The following CACNA1B variants were observed in gnomAD, a reference collection of about 807,000 sequenced individuals.
CACNA1B encodes voltage-dependent N-type calcium channel subunit alpha-1B.
CACNA1B carries 70 observed loss-of-function variants against 247.2 expected under a neutral mutation model. The observed-to-expected ratio is 0.28, with a 90% CI of 0.23 to 0.35. CACNA1B has a LOEUF of 0.35. CACNA1B is among the 10% of genes least tolerant of loss of function. The pLI is 1.00. For missense variants in CACNA1B, 2,367 were observed against 3,197.4 expected, an observed-to-expected ratio of 0.74 and a Z score of 6.26; for synonymous variants, 1,231 against 1,294.4, an observed-to-expected ratio of 0.95 and a Z score of 1.05.
intron 21 of CACNA1B, among the ~76,000 whole-genome samples, chr9:138,045,968 A>C (rs953095041): frequency 1.3e-5 from 2 of 152,140 alleles, no homozygotes; most frequent in Admixed American, 1.3e-4. Flanking sequence ...CAGGGGAGGC[A>C]TCTCCAGAGC....
intron 20 of CACNA1B, among the ~76,000 whole-genome samples, chr9:138,039,144 C>T (rs1207838828): frequency 6.6e-6 from 1 of 151,612 alleles, no homozygotes; most frequent in African/African-American, 2.4e-5. Context: ...TGTAGTGAGC[C>T]AAGATCTCGC....
intron 10 of CACNA1B, among the ~76,000 whole-genome samples, chr9:137,969,146 C>T (rs111463707): frequency 6.6e-6 from 1 of 152,222 alleles, no homozygotes; most frequent in African/African-American, 2.4e-5. Flanking sequence ...GCTGGGGTTG[C>T]TGAGCTGGGA....
rs1414575146 is a variant in CACNA1B, at chr9:138,058,044, C to T, written c.4107-5C>T. The T allele has an allele frequency of 1.2e-6, 2 of 1,612,288 alleles. No individual in the cohort carries two copies. The highest frequency in any genetic ancestry group is 1.7e-6 in the Non-Finnish European group (2 of 1,178,300). ...CCCCTGACACTTGCTCTCCTCTTTG[C>T]CCAGGGTGCTGAAACACTCCGTGGA... On this transcript the variant is annotated splice_region_variant and splice_polypyrimidine_tract_variant and intron_variant, in intron 27 of 46. Transcript: ENST00000371372. The surrounding 1 kb of genome is among the most constrained non-coding windows in gnomAD (Gnocchi z 4.7).
intron 18 of CACNA1B, among the ~76,000 whole-genome samples, chr9:138,013,760 G>C (rs1256030333): frequency 3.3e-5 from 5 of 152,246 alleles, no homozygotes; most frequent in African/African-American, 1.2e-4. Flanking sequence ...GGAGGTGTTA[G>C]GGGCTTTAGA....
chr9:138,090,590 A>G (rs1390863485), intron 36 of CACNA1B, among the ~76,000 whole-genome samples: 1 of 151,782 alleles, frequency 6.6e-6, no homozygotes, highest in Non-Finnish European at 1.5e-5. Context: ...TGCACAGCCA[A>G]TGAAATAATC....
rs78633288 is a variant in CACNA1B at position 137,981,212 on chromosome 9, T to C, written c.1657-2926T>C. ...GGCGTGAGATGATATCTCACTGTGG[T>C]TTTGATTTGCACGTCTCTGATTAGT... On this transcript the variant is annotated intron_variant, in intron 12 of 46. Transcript: ENST00000371372. Among the ~76,000 whole-genome samples, 1,098 of 152,296 alleles carry C rather than the reference T, an allele frequency of 7.2e-3. 11 individuals carry two copies. The highest frequency in any genetic ancestry group is 0.025 in the African/African-American group (1,039 of 41,554).
At chr9:138,063,618 C>G (rs1184335073) in intron 31 of CACNA1B, among the ~76,000 whole-genome samples, 1 of 152,230 alleles carries the variant, frequency 6.6e-6, no homozygotes, top group Non-Finnish European at 1.5e-5. Context: ...GCAGTGACTG[C>G]TGAAGAGTGT....
intron 18 of CACNA1B, among the ~76,000 whole-genome samples, chr9:138,022,425 C>T (rs1248213899): frequency 6.6e-6 from 1 of 152,168 alleles, no homozygotes; most frequent in Non-Finnish European, 1.5e-5. Context: ...GTCTGCTCTG[C>T]CACAGCAACT....
At position 138,051,907 on chromosome 9, in the gene CACNA1B, C is replaced by A. The variant is rs1959295350; in HGVS notation, c.3711-185C>A. 6.6e-6 allele frequency among the ~76,000 whole-genome samples: 1 copy of A among 152,090 alleles called. No individual in the cohort carries two copies. The highest frequency in any genetic ancestry group is 6.5e-5 in the Admixed American group (1 of 15,280). On this transcript the variant is annotated intron_variant, in intron 24 of 46. Transcript: ENST00000371372. This position sits in a 1 kb window ranked among gnomAD's most constrained non-coding sequence, Gnocchi z 4.3. ...CTTAGATGAGGCCCGGGCCAGGCAG[C>A]CCCTGGGAAGAGTCATGGTGGCCTG...
At chr9:138,016,281 C>G (rs932183450) in intron 18 of CACNA1B, among the ~76,000 whole-genome samples, 16 of 152,260 alleles carry the variant, frequency 1.1e-4, no homozygotes, top group African/African-American at 3.9e-4. Flanking sequence ...GCACAGAGAG[C>G]TTGGCCTTGA....
rs1958721944 is a variant in CACNA1B at position 138,011,356 on chromosome 9, C to A, written c.2160+1279C>A. On this transcript the variant is annotated intron_variant, in intron 17 of 46. Coordinates refer to ENST00000371372, the MANE Select transcript of CACNA1B (RefSeq NM_000718.4). This position sits in a 1 kb window ranked among gnomAD's most constrained non-coding sequence, Gnocchi z 4.2. ...GGCCCTGTGTCCACATACATGTACCCTCATTGGTGGCCCCCCTTTTGTGTA... is the reference window on the plus strand; with the variant it reads ...GGCCCTGTGTCCACATACATGTACCATCATTGGTGGCCCCCCTTTTGTGTA... Among the ~76,000 whole-genome samples, 1 of 152,184 alleles carries A rather than the reference C, an allele frequency of 6.6e-6. No individual in the cohort carries two copies.
In CACNA1B at chr9:138,096,432, G is replaced by C. The variant is rs1041105415; in HGVS notation, c.5095-52G>C. On this transcript the variant is annotated intron_variant, in intron 36 of 46. Transcript: ENST00000371372. ...CTGGAGAGTGGTGGGGGGCGGCGGG[G>C]AGGGCAGGCTGAGGTCTCTCTCCGT... 14 of 1,557,438 alleles carry C rather than the reference G, an allele frequency of 9.0e-6. No homozygotes were observed. The Admixed American group carries it at 1.7e-4, about 19-fold the overall frequency.
intron 31 of CACNA1B, among the ~76,000 whole-genome samples, chr9:138,062,665 A>G (rs778609630): frequency 6.6e-6 from 1 of 152,090 alleles, no homozygotes; most frequent in Non-Finnish European, 1.5e-5. Flanking sequence ...GCCTGCTCCC[A>G]AATGCTGGGT....
chr9:138,036,039 A>G (rs1454399958), intron 20 of CACNA1B, among the ~76,000 whole-genome samples: 2 of 151,852 alleles, frequency 1.3e-5, no homozygotes, highest in Non-Finnish European at 1.5e-5. Context: ...TTTGCAGTTG[A>G]TTCTGTTATT....
At position 137,952,032 on chromosome 9, in the gene CACNA1B, G is replaced by A. The variant is rs1305466468; in HGVS notation, c.967-242G>A. On this transcript the variant is annotated intron_variant, in intron 6 of 46. Transcript: ENST00000371372. The surrounding 1 kb of genome is among the most constrained non-coding windows in gnomAD (Gnocchi z 4.8). ...CAGGCAGTGGCTGGCAGCACTGAGT[G>A]TCCCTGGTCCTCTGGGAGCTGCAGT... 2.0e-5 allele frequency among the ~76,000 whole-genome samples: 3 copies of A among 152,268 alleles called. No homozygotes were observed. Among genetic ancestry groups the A allele is most frequent in the East Asian group, 3.9e-4 (2 of 5,162 alleles).
At chr9:138,071,344 T>C (rs1405445956) in intron 32 of CACNA1B, among the ~76,000 whole-genome samples, 2 of 152,158 alleles carry the variant, frequency 1.3e-5, no homozygotes, top group Admixed American at 6.5e-5. Context: ...ACAGAAGCCA[T>C]GGACTCAGTG....
At chr9:138,015,158 G>A (rs141578282) in intron 18 of CACNA1B, among the ~76,000 whole-genome samples, 128 of 152,260 alleles carry the variant, frequency 8.4e-4, no homozygotes, top group African/African-American at 2.9e-3. Flanking sequence ...GCCCTCACAC[G>A]TGGCAAGGGG....
chr9:137,973,638 T>TC lies in CACNA1B; in HGVS notation c.1543+2051dup, dbSNP rs1000690028. Among the ~76,000 whole-genome samples, 2 of 152,064 alleles carry TC rather than the reference T, an allele frequency of 1.3e-5. No individual in the cohort carries two copies. The highest frequency in any genetic ancestry group is 2.9e-5 in the Non-Finnish European group (2 of 68,006). On this transcript the variant is annotated intron_variant, in intron 11 of 46. Coordinates refer to ENST00000371372, the MANE Select transcript of CACNA1B (RefSeq NM_000718.4). The surrounding 1 kb of genome is among the most constrained non-coding windows in gnomAD (Gnocchi z 4.1). Reference sequence around the variant, plus strand: ...CTGGTTTTAGTGATCTGTCTCTGTTTCCCCCTCAGCTTGTGAACTCCTGGG... The same window carrying TC: ...CTGGTTTTAGTGATCTGTCTCTGTTTCCCCCCTCAGCTTGTGAACTCCTGGG...
chr9:137,907,380 G>A (rs567738853), intron 3 of CACNA1B, among the ~76,000 whole-genome samples: 1 of 152,270 alleles, frequency 6.6e-6, no homozygotes, highest in South Asian at 2.1e-4. Flanking sequence ...CTGGGGTGTG[G>A]TTAGAAGTGG....
Sources: allele counts gnomAD v4.1 joint callset (sites outside exome capture counted in the v4.1 genomes callset), GRCh38; gene constraint gnomAD v4.1.1; non-coding constraint Gnocchi (gnomAD v3.1); transcripts MANE v1.5; gene names NCBI Gene and HGNC (gene_info 2026-07-23, HGNC 2026-07-21).